NRAP: variants seen among roughly 807,000 people sequenced by gnomAD.
The protein encoded by NRAP is nebulin-related-anchoring protein.
NRAP carries 189 observed loss-of-function variants against 225.9 expected under a neutral mutation model. The ratio of observed to expected loss-of-function variants is 0.84; its 90% CI spans 0.74 to 0.94. NRAP has a LOEUF of 0.94. Ranked by LOEUF, NRAP falls within the 40% of genes least tolerant of loss-of-function variation. The pLI is 0.00. For missense variants in NRAP, 2,176 were observed against 2,168.7 expected (o/e 1.00, Z -0.07); for synonymous variants, 769 against 790.7 (o/e 0.97, Z 0.46).
chr10:113,652,046 T>C, intron 6 of NRAP, 139 bp from the exon 7 acceptor site: 2 of 680,198 alleles, frequency 2.9e-6, no homozygotes, highest in South Asian at 3.2e-5. Flanking sequence ...GCTTGTTTCA[T>C]GGGCTCCTCC....
At chr10:113,598,211 T>C in intron 35 of NRAP, 138 bp from the exon 36 acceptor site, 6 of 681,284 alleles carry the variant, frequency 8.8e-6, no homozygotes, top group Non-Finnish European at 1.4e-5. Context: ...GGGAGTACAT[T>C]CTGCATGTCG....
At chr10:113,598,321 A>C (rs1846406024) in intron 35 of NRAP, among the ~76,000 whole-genome samples, 1 of 149,612 alleles carries the variant, frequency 6.7e-6, no homozygotes, top group Non-Finnish European at 1.5e-5. Flanking sequence ...GCAGGATTTA[A>C]AGCGAGAGTA....
At position 113,598,038 on chromosome 10, in the gene NRAP, G is replaced by A. The variant is rs1163413094; in HGVS notation, c.4263C>T (p.Gly1421=). Reference sequence around the variant, plus strand: ...GGGATCTCAGCGCCAGCCATCCTATGCCCTTCATGCCGATCAGGTCTGACT... The same window carrying A: ...GGGATCTCAGCGCCAGCCATCCTATACCCTTCATGCCGATCAGGTCTGACT... The part of the protein sequence containing the change: ...RYKSDLIGMK[G]IGWLALRSPQ... The change falls in exon 36 of 42, where the codon GGC becomes GGT. Residue 1421 remains glycine, a synonymous_variant. Coordinates refer to ENST00000359988, the MANE Select transcript of NRAP (RefSeq NM_198060.4). The A allele has an allele frequency of 6.2e-7, 1 of 1,613,750 alleles. No homozygotes were observed. The highest frequency in any genetic ancestry group is 8.5e-7 in the Non-Finnish European group (1 of 1,179,858).
intron 14 of NRAP, among the ~76,000 whole-genome samples, chr10:113,635,749 G>T (rs909518420): frequency 6.6e-6 from 1 of 152,140 alleles, no homozygotes; most frequent in Non-Finnish European, 1.5e-5. Context: ...TTTAACCAAG[G>T]TTATCTGAAA....
rs1849191412 is a variant in NRAP at position 113,641,362 on chromosome 10, C to G, written c.1323+3G>C. ...CAACAGACCCTGGCATAAAAGGACT[C>G]ACGTTGCTTGCCAGGCTGCCAACTT... On this transcript the variant is annotated splice_donor_region_variant and intron_variant, in intron 13 of 41. Transcript: ENST00000359988. 6.3e-7 allele frequency: 1 copy of G among 1,599,068 alleles called. No homozygotes were observed. The highest frequency in any genetic ancestry group is 1.7e-5 in the Admixed American group (1 of 59,898).
intron 4 of NRAP, among the ~76,000 whole-genome samples, chr10:113,656,549 T>C (rs1425261491): frequency 6.6e-6 from 1 of 152,236 alleles, no homozygotes; most frequent in East Asian, 1.9e-4. Flanking sequence ...ATATAACATA[T>C]ATACATATAT....
chr10:113,642,860 C>G, intron 12 of NRAP, 74 bp downstream of exon 12: 1 of 802,812 alleles, frequency 1.2e-6, no homozygotes, highest in Non-Finnish European at 2.2e-6. Context: ...TTCCCATAGA[C>G]TGTCCCTCTT....
intron 14 of NRAP, among the ~76,000 whole-genome samples, chr10:113,639,122 C>T (rs1007361433): frequency 6.9e-6 from 1 of 144,788 alleles, no homozygotes; most frequent in East Asian, 2.0e-4. Flanking sequence ...AAAAATGTAG[C>T]TTTGGTAGTG....
In NRAP at chr10:113,590,893, C is replaced by T. The variant is rs375749033; in HGVS notation, c.4645-4G>A. The T allele has an allele frequency of 4.3e-6, 7 of 1,612,530 alleles. No individual in the cohort carries two copies. The highest frequency in any genetic ancestry group is 3.4e-6 in the Non-Finnish European group (4 of 1,178,898). On this transcript the variant is annotated splice_polypyrimidine_tract_variant and splice_region_variant and intron_variant, in intron 39 of 41. Coordinates refer to ENST00000359988, the MANE Select transcript of NRAP (RefSeq NM_198060.4). ...GGAAAGCCTCTTTGTACCGGAACTG[C>T]AAGTCAGAGGAGCAGAGGCAGATCA...
At chr10:113,614,151 C>G in intron 29 of NRAP, 32 bp downstream of exon 29, 1 of 1,439,200 alleles carries the variant, frequency 6.9e-7, no homozygotes, top group South Asian at 1.1e-5. Context: ...GGTGGGGGCC[C>G]TGCAGCCGCT....
chr10:113,625,104 A>G (rs1848213362), intron 21 of NRAP, among the ~76,000 whole-genome samples, 174 bp from the exon 22 acceptor site: 1 of 152,180 alleles, frequency 6.6e-6, no homozygotes, highest in South Asian at 2.1e-4. Flanking sequence ...AGATGATGAG[A>G]GAAGGAGAAG....
rs1592846600 is a variant in NRAP at position 113,645,488 on chromosome 10, G to C, written c.1110+337C>G. Among the ~76,000 whole-genome samples the C allele has an allele frequency of 2.6e-5, 4 of 152,222 alleles. No individual in the cohort carries two copies. In the East Asian group the frequency reaches 7.8e-4, roughly 30 times the overall value. ...GATGGAGTGCAATAGCACTATCTCG[G>C]CTCACCGCGACCTCCGCCTCCCGAG... is the stretch of plus-strand genomic sequence containing the variant. On this transcript the variant is annotated intron_variant, in intron 11 of 41. Coordinates refer to ENST00000359988, the MANE Select transcript of NRAP (RefSeq NM_198060.4).
intron 27 of NRAP, among the ~76,000 whole-genome samples, chr10:113,615,361 G>T (rs1284298432): frequency 6.6e-6 from 1 of 152,174 alleles, no homozygotes; most frequent in East Asian, 1.9e-4. Context: ...GAGAGGAGGA[G>T]TTAAGCCCCA....
At chr10:113,600,183 C>CTCTCTCTCTCTCTT (rs1846517665) in intron 35 of NRAP, among the ~76,000 whole-genome samples, 1 of 141,788 alleles carries the variant, frequency 7.1e-6, no homozygotes, top group Non-Finnish European at 1.6e-5. Context: ...CTCTCTCTCT[C>CTCTCTCTCTCTCTT]TCTCTGGAGA....
chr10:113,589,330 T>C (rs1451649375), intron 41 of NRAP: 3 of 574,826 alleles, frequency 5.2e-6, no homozygotes, highest in Admixed American at 3.2e-5. Flanking sequence ...CAGACTGTCA[T>C]ATCCAGCGAG....
At chr10:113,591,362 A>G (rs1322655103) in intron 39 of NRAP, among the ~76,000 whole-genome samples, 2 of 152,274 alleles carry the variant, frequency 1.3e-5, no homozygotes, top group East Asian at 3.9e-4. Flanking sequence ...TGCTTTTTAC[A>G]TTTCCAATGC....
chr10:113,613,372 A>G (rs1056688804), intron 29 of NRAP, among the ~76,000 whole-genome samples: 10 of 152,214 alleles, frequency 6.6e-5, no homozygotes, highest in South Asian at 4.1e-4. Flanking sequence ...CTCTGCCCCT[A>G]TGTAGCTGAC....
chr10:113,638,736 C>T (rs1190847608), intron 14 of NRAP, among the ~76,000 whole-genome samples: 1 of 152,122 alleles, frequency 6.6e-6, no homozygotes, highest in African/African-American at 2.4e-5. Context: ...CATGTTGGTT[C>T]AATTAAAACA....
chr10:113,605,432 T>C (rs1176236142), intron 34 of NRAP, among the ~76,000 whole-genome samples: 1 of 152,192 alleles, frequency 6.6e-6, no homozygotes. Context: ...GTATTGCAAT[T>C]TCTATTGAGA....
Sources: allele counts gnomAD v4.1 joint callset (sites outside exome capture counted in the v4.1 genomes callset), GRCh38; gene constraint gnomAD v4.1.1; transcripts MANE v1.5; gene names NCBI Gene and HGNC (gene_info 2026-07-23, HGNC 2026-07-21).